ROBO2: variants seen among roughly 807,000 people sequenced by gnomAD.
The protein encoded by ROBO2 is roundabout guidance receptor 2.
A neutral mutation model predicts 160.8 loss-of-function variants in ROBO2; 53 were observed. The observed-to-expected ratio is 0.33, with a 90% CI of 0.26 to 0.41. The LOEUF (loss-of-function observed/expected upper bound fraction) is 0.41, where lower values mean the gene tolerates loss of function less well. Among genes scored for constraint, ROBO2 ranks in the 10% least tolerant of loss-of-function variants. ROBO2 has a pLI of 1.00. For synonymous variants in ROBO2, 664 were observed against 611.7 expected (o/e 1.09, Z -1.26); for missense variants, 1,577 against 1,722.4 (o/e 0.92, Z 1.49).
At chr3:76,397,002 G>T (rs1353508434) in intron 2 of ROBO2, among the ~76,000 whole-genome samples, 1 of 152,120 alleles carries the variant, frequency 6.6e-6, no homozygotes, top group Non-Finnish European at 1.5e-5. Context: ...CCAAAAAAGA[G>T]CCTTCATCGC....
intron 2 of ROBO2, among the ~76,000 whole-genome samples, chr3:76,279,580 T>C (rs1007455957): frequency 2.6e-5 from 4 of 151,994 alleles, no homozygotes; most frequent in African/African-American, 9.7e-5. Flanking sequence ...GAATTACTGT[T>C]CACACTTTAA....
chr3:77,066,202 T>C (rs935248989), intron 1 of ROBO2, among the ~76,000 whole-genome samples: 1 of 152,116 alleles, frequency 6.6e-6, no homozygotes, highest in African/African-American at 2.4e-5. Context: ...TGGAATAATT[T>C]TGAAGAGGCC....
chr3:76,904,961 T>C (rs939756469), intron 2 of ROBO2, among the ~76,000 whole-genome samples: 1 of 152,178 alleles, frequency 6.6e-6, no homozygotes, highest in Non-Finnish European at 1.5e-5. Context: ...TATTATCCTA[T>C]AAGTAATGAA....
exon 17 of ROBO2, chr3:77,588,844 T>C (rs367899782): frequency 6.2e-7 from 1 of 1,613,494 alleles, no homozygotes; most frequent in African/African-American, 1.3e-5. Flanking sequence ...ATAGCTGGTA[T>C]TGGTGGTGCC....
intron 2 of ROBO2, among the ~76,000 whole-genome samples, chr3:76,643,338 A>T (rs2090797256): frequency 6.6e-6 from 1 of 152,188 alleles, no homozygotes; most frequent in African/African-American, 2.4e-5. Flanking sequence ...ACATTATGAT[A>T]GTTACAAAAT....
chr3:77,589,281 T>A (rs1287965464), intron 17 of ROBO2, among the ~76,000 whole-genome samples: 2 of 152,028 alleles, frequency 1.3e-5, no homozygotes, highest in African/African-American at 4.8e-5. Flanking sequence ...GAAGCCATGT[T>A]TGAGAAGTGG....
At chr3:76,935,611 C>T (rs199668062) in intron 2 of ROBO2, among the ~76,000 whole-genome samples, 1 of 52,080 alleles carries the variant, frequency 1.9e-5, no homozygotes, top group African/African-American at 7.2e-5. Context: ...TCTCATAGTT[C>T]TAGAGGCTGA....
At position 77,098,351 on chromosome 3, in the gene ROBO2, A is replaced by T. The variant is rs780240750; in HGVS notation, c.388+11A>T. 11 of 1,613,316 alleles carry T rather than the reference A, an allele frequency of 6.8e-6. No homozygotes were observed. The Admixed American group carries it at 1.8e-4, about 27-fold the overall frequency. On this transcript the variant is annotated intron_variant, in intron 2 of 25. Coordinates refer to ENST00000461745, the Ensembl canonical transcript of ROBO2. Reference sequence around the variant, plus strand: ...CTCTGGAAGTGGCATGTAAGTGAACATAATGAACCTCATGTGCACATTTAC... The same window carrying T: ...CTCTGGAAGTGGCATGTAAGTGAACTTAATGAACCTCATGTGCACATTTAC...
chr3:77,562,924 C>G (rs772665453), intron 10 of ROBO2, among the ~76,000 whole-genome samples, 192 bp downstream of exon 11: 2 of 152,188 alleles, frequency 1.3e-5, no homozygotes, highest in Non-Finnish European at 2.9e-5. Context: ...ATACACTTGT[C>G]TTTGATAACC....
chr3:76,283,717 T>C (rs542050946), intron 2 of ROBO2, among the ~76,000 whole-genome samples: 1 of 152,146 alleles, frequency 6.6e-6, no homozygotes, highest in Non-Finnish European at 1.5e-5. Context: ...TGAAGAATGC[T>C]GAGATGTACT....
chr3:76,548,869 C>A (rs1308914969), intron 2 of ROBO2, among the ~76,000 whole-genome samples: 1 of 152,068 alleles, frequency 6.6e-6, no homozygotes, highest in African/African-American at 2.4e-5. Flanking sequence ...GGGAAGAGTT[C>A]ATAAACACTG....
intron 2 of ROBO2, among the ~76,000 whole-genome samples, chr3:76,622,235 G>GAAGGAAGGA (rs2089186140): frequency 4.5e-5 from 2 of 44,802 alleles, no homozygotes; most frequent in Admixed American, 3.0e-4. Flanking sequence ...AGGAAGGAAG[G>GAAGGAAGGA]AAGAAAGAAA....
intron 2 of ROBO2, among the ~76,000 whole-genome samples, chr3:76,688,925 A>C (rs1390326887): frequency 2.0e-5 from 3 of 152,022 alleles, no homozygotes; most frequent in Non-Finnish European, 4.4e-5. Flanking sequence ...CTGTTACATG[A>C]ACATATAATC....
chr3:77,251,586 GCCACAC>G (rs1397776745), intron 2 of ROBO2, among the ~76,000 whole-genome samples: 1 of 152,098 alleles, frequency 6.6e-6, no homozygotes, highest in Non-Finnish European at 1.5e-5. Flanking sequence ...GGGTTGCTTA[GCCACAC>G]CCTTAGTGAT....
intron 2 of ROBO2, among the ~76,000 whole-genome samples, chr3:76,093,834 C>T (rs2069330051): frequency 6.6e-6 from 1 of 152,090 alleles, no homozygotes; most frequent in Non-Finnish European, 1.5e-5. Flanking sequence ...GCATTTTATA[C>T]TACTTCTGTG....
At chr3:76,584,940 A>G (rs540219502) in intron 2 of ROBO2, among the ~76,000 whole-genome samples, 1 of 152,196 alleles carries the variant, frequency 6.6e-6, no homozygotes, top group Non-Finnish European at 1.5e-5. Context: ...ATTGAATCAT[A>G]TGAATAAAAA....
chr3:76,056,829 TAGAGG>T (rs1405000646), intron 2 of ROBO2, among the ~76,000 whole-genome samples: 2 of 152,194 alleles, frequency 1.3e-5, no homozygotes. Flanking sequence ...TACCCTATAA[TAGAGG>T]AAAGTGTAAT....
intron 2 of ROBO2, among the ~76,000 whole-genome samples, chr3:77,203,705 AT>A (rs1289609411): frequency 6.6e-6 from 1 of 152,160 alleles, no homozygotes; most frequent in African/African-American, 2.4e-5. Context: ...TTTACAAGAC[AT>A]TTTGATAATG....
chr3:77,502,521 GGTAAGA>G (rs1477933129), intron 5 of ROBO2, among the ~76,000 whole-genome samples: 11 of 151,758 alleles, frequency 7.2e-5, no homozygotes, highest in Non-Finnish European at 1.3e-4. Flanking sequence ...CACTATATTG[GGTAAGA>G]AAAAATAATT....
Sources: gnomAD v4.1 joint callset for allele counts (sites outside exome capture counted in the v4.1 genomes callset) on GRCh38, gnomAD v4.1.1 for gene constraint, MANE v1.5 for transcripts, NCBI Gene and HGNC (gene_info 2026-07-23, HGNC 2026-07-21) for gene names.